KCNC4: variants seen among roughly 807,000 people sequenced by gnomAD.
The protein encoded by KCNC4 is voltage-gated potassium channel KCNC4.
KCNC4 carries 23 observed loss-of-function variants against 42.8 expected under a neutral mutation model. The ratio of observed to expected loss-of-function variants is 0.54; its 90% confidence interval spans 0.39 to 0.76. KCNC4 has a LOEUF of 0.76. Among genes scored for constraint, KCNC4 ranks in the 30% least tolerant of loss-of-function variants. The probability of loss-of-function intolerance (pLI) is 0.00; values close to 1 mark genes in which losing one functional copy is unlikely to be tolerated. For synonymous variants in KCNC4, 422 were observed against 393.5 expected (o/e 1.07, Z -0.86); for missense variants, 751 against 898.2 (o/e 0.84, Z 2.10).
intron 1 of KCNC4, among the ~76,000 whole-genome samples, chr1:110,260,892 T>A (rs2101075759): frequency 6.6e-6 from 1 of 152,326 alleles, no homozygotes; most frequent in Non-Finnish European, 1.5e-5. Flanking sequence ...ATCGCGCCAC[T>A]GCACTCCAGC....
intron 1 of KCNC4, chr1:110,220,280 A>G (rs1464829124): frequency 6.6e-6 from 1 of 152,248 alleles, no homozygotes; most frequent in African/African-American, 2.4e-5. Flanking sequence ...GTGTTTTGAA[A>G]AAAAGCAAAG....
intron 1 of KCNC4, chr1:110,221,951 T>G (rs1658119037): frequency 1.3e-5 from 2 of 152,238 alleles, no homozygotes; most frequent in South Asian, 4.1e-4. Flanking sequence ...TCATAATGAT[T>G]GGACACTTAA....
intron 1 of KCNC4, among the ~76,000 whole-genome samples, chr1:110,269,985 A>G (rs1392185850): frequency 1.3e-5 from 2 of 152,172 alleles, no homozygotes; most frequent in African/African-American, 2.4e-5. Flanking sequence ...GTTTATTTCT[A>G]TATTGCCTAC....
chr1:110,246,575 T>C (rs1192253576), exon 4 of KCNC4: 1 of 152,266 alleles, frequency 6.6e-6, no homozygotes, highest in Non-Finnish European at 1.5e-5. Context: ...CAGCCTCTCT[T>C]TTGGGCCTCA....
At chr1:110,232,310 G>A in intron 3 of KCNC4, 2 of 1,613,120 alleles carry the variant, frequency 1.2e-6, no homozygotes, top group Non-Finnish European at 1.7e-6. Flanking sequence ...GCCACATTGA[G>A]GAAGGGGGCT....
At chr1:110,213,005 C>T (rs1005429806) in intron 1 of KCNC4, among the ~76,000 whole-genome samples, 1 of 151,724 alleles carries the variant, frequency 6.6e-6, no homozygotes, top group African/African-American at 2.4e-5. Flanking sequence ...TCCAGAAAGC[C>T]CTGGTTCAGG....
At chr1:110,268,332 G>T (rs1291046244) in intron 1 of KCNC4, among the ~76,000 whole-genome samples, 1 of 152,184 alleles carries the variant, frequency 6.6e-6, no homozygotes, top group Non-Finnish European at 1.5e-5. Flanking sequence ...CCTTGGCCGG[G>T]TACCGTGGCT....
At chr1:110,270,993 G>T (rs923371890) in intron 1 of KCNC4, among the ~76,000 whole-genome samples, 1 of 152,212 alleles carries the variant, frequency 6.6e-6, no homozygotes, top group Non-Finnish European at 1.5e-5. Flanking sequence ...TTTTCAGGAA[G>T]GCTTGGAAGC....
In KCNC4 at chr1:110,211,472, C is replaced by G. The variant is rs755391792; in HGVS notation, c.-28C>G. ...AGGGTGTTTGGAGGGCAGCGGCCGC[C>G]CCAAGCCGGAGCCCCGCAGCGCTTC... On this transcript the variant is annotated 5_prime_UTR_variant, in exon 1 of 4. Transcript: ENST00000438661. This position sits in a 1 kb window ranked among gnomAD's most constrained non-coding sequence, Gnocchi z 6.5. The G allele has an allele frequency of 1.3e-6, 2 of 1,593,994 alleles. No individual in the cohort carries two copies. The highest frequency in any genetic ancestry group is 1.7e-6 in the Non-Finnish European group (2 of 1,167,412).
downstream of KCNC4, chr1:110,235,571 C>A (rs1348197488): frequency 6.6e-6 from 1 of 152,136 alleles, no homozygotes; most frequent in Non-Finnish European, 1.5e-5. Flanking sequence ...GAAGGGGTGG[C>A]AACTGGGGTC....
At chr1:110,276,350 C>T (rs1037187685) in intron 1 of KCNC4, among the ~76,000 whole-genome samples, 52 of 142,930 alleles carry the variant, frequency 3.6e-4, no homozygotes, top group Non-Finnish European at 6.2e-4. Context: ...GACCTTTATA[C>T]GTGAAGAATG....
chr1:110,259,962 C>T (rs1017289481), intron 1 of KCNC4, among the ~76,000 whole-genome samples: 5 of 152,216 alleles, frequency 3.3e-5, no homozygotes, highest in African/African-American at 1.2e-4. Context: ...CTCACTTCCT[C>T]TTAGGTAAGA....
chr1:110,268,610 GA>G (rs1177241176), intron 1 of KCNC4, among the ~76,000 whole-genome samples: 3,428 of 82,144 alleles, frequency 0.042, 105 homozygotes, highest in African/African-American at 0.14. Context: ...TGTCTCAAAA[GA>G]AAAAAAAAAA....
intron 1 of KCNC4, among the ~76,000 whole-genome samples, chr1:110,255,172 A>G (rs1033751615): frequency 6.6e-6 from 1 of 152,224 alleles, no homozygotes; most frequent in Non-Finnish European, 1.5e-5. Context: ...GGAGCAGAGT[A>G]GGTGCTTAAT....
At chr1:110,226,211 C>A (rs1039184220) in intron 3 of KCNC4, 33 bp downstream of exon 3, 113 of 1,600,898 alleles carry the variant, frequency 7.1e-5, no homozygotes, top group Non-Finnish European at 8.1e-5. Context: ...GGTGGGGAGC[C>A]CCCACAGAGC....
Position 110,280,889 on chromosome 1 carries a change from C to G in KCNC4, n.31-1645C>G, listed in dbSNP as rs540244022. On this transcript the variant is annotated intron_variant and non_coding_transcript_variant, in intron 1 of 2. Coordinates refer to the KCNC4 transcript ENST00000412512. ...TGGAAATTCCTGGCCCCACGTAGAC[C>G]AAATTGCTGTGTCACATTCCCTACC... Among the ~76,000 whole-genome samples the G allele has an allele frequency of 2.0e-5, 3 of 152,268 alleles. No homozygotes were observed. The South Asian group carries it at 6.2e-4, about 32-fold the overall frequency.
At chr1:110,267,888 C>T (rs1659570206) in intron 1 of KCNC4, among the ~76,000 whole-genome samples, 1 of 152,180 alleles carries the variant, frequency 6.6e-6, no homozygotes, top group African/African-American at 2.4e-5. Context: ...CTTCCTTGTT[C>T]AGAGATTGAA....
chr1:110,233,208 T>C lies in KCNC4; in HGVS notation c.*236T>C, dbSNP rs1658791779. On this transcript the variant is annotated 3_prime_UTR_variant, in exon 4 of 4. Coordinates refer to ENST00000438661, the MANE Select transcript of KCNC4 (RefSeq NM_001039574.3). ...CACATATAGTATCTATATTCATACA[T>C]ATTATACTCTTGTGTGTAGTGCACG... The C allele has an allele frequency of 1.7e-6, 1 of 602,332 alleles. No individual in the cohort carries two copies. 37.3% of individuals were successfully genotyped at this position (602,332 alleles called of 1,614,324 possible). A position where few individuals can be genotyped will look rare whatever the true frequency, so the allele number is the denominator to read the frequency against.
At chr1:110,273,460 G>GGACCC (rs948635516) in intron 1 of KCNC4, among the ~76,000 whole-genome samples, 4 of 152,156 alleles carry the variant, frequency 2.6e-5, no homozygotes, top group African/African-American at 9.7e-5. Flanking sequence ...GAAAGAACAG[G>GGACCC]GACCCTGGGT....
Sources: gnomAD v4.1 joint callset for allele counts (sites outside exome capture counted in the v4.1 genomes callset) on GRCh38, gnomAD v4.1.1 for gene constraint, Gnocchi (gnomAD v3.1) non-coding constraint, MANE v1.5 for transcripts, NCBI Gene and HGNC (gene_info 2026-07-23, HGNC 2026-07-21) for gene names.